The following BACE1 variants were observed in gnomAD, a reference collection of about 807,000 sequenced individuals.
BACE1 encodes beta-secretase 1, also known as APP beta-secretase.
Under a neutral mutation model 54.0 loss-of-function variants are expected in BACE1, and 21 were observed. That is an observed-to-expected ratio of 0.39 (90% CI 0.28 to 0.56). The LOEUF is 0.56. Among genes scored for constraint, BACE1 ranks in the 20% least tolerant of loss-of-function variants. The pLI, the probability that BACE1 is intolerant of heterozygous loss-of-function variation, is 0.63. For synonymous variants in BACE1, 232 were observed against 260.9 expected (o/e 0.89, Z 1.07); for missense variants, 511 against 661.2 (o/e 0.77, Z 2.49).
At position 117,289,475 on chromosome 11, in the gene BACE1, C is replaced by T; in HGVS notation, c.*91G>A. ...GGGGAGGGTCCTGAGGTGCTCTGGC[C>T]ACAGGTGCCATCTGTGTCTCCTACT... On this transcript the variant is annotated 3_prime_UTR_variant, in exon 9 of 9. Coordinates refer to ENST00000313005, the MANE Select transcript of BACE1 (RefSeq NM_012104.6). 5.2e-6 allele frequency: 8 copies of T among 1,524,232 alleles called. No individual in the cohort carries two copies. The highest frequency in any genetic ancestry group is 7.1e-6 in the Non-Finnish European group (8 of 1,134,044). The allele number at this position is 1,524,232 out of a possible 1,614,324, so 94.4% of individuals were successfully genotyped here.
rs959571116 is a variant in BACE1, at chr11:117,288,631, G to C, written c.*935C>G. 3 of 152,590 alleles carry C rather than the reference G, an allele frequency of 2.0e-5. No homozygotes were observed. Among genetic ancestry groups the C allele is most frequent in the African/African-American group, 7.2e-5 (3 of 41,434 alleles). 9.5% of individuals were successfully genotyped at this position (152,590 alleles called of 1,614,324 possible). On this transcript the variant is annotated 3_prime_UTR_variant, in exon 9 of 9. Transcript: ENST00000313005. ...TCCCACAGGGCACCTGGAGCTTAGGGGGTTAGGATATTTCAGTGCTGCCTA... is the reference window on the plus strand; with the variant it reads ...TCCCACAGGGCACCTGGAGCTTAGGCGGTTAGGATATTTCAGTGCTGCCTA...
rs2034306963 is a variant in BACE1, at chr11:117,288,008, T to G, written c.*1558A>C. On this transcript the variant is annotated 3_prime_UTR_variant, in exon 9 of 9. Coordinates refer to ENST00000313005, the MANE Select transcript of BACE1 (RefSeq NM_012104.6). ...ACTAGGAAAACCCAGCTCTTCCCAC[T>G]AACACTGGTACCGTAGTTTACTATG... 6.6e-6 allele frequency: 1 copy of G among 152,638 alleles called. No homozygotes were observed. The highest frequency in any genetic ancestry group is 1.5e-5 in the Non-Finnish European group (1 of 68,056). 9.5% of individuals were successfully genotyped at this position (152,638 alleles called of 1,614,324 possible).
rs1230040778 is a variant in BACE1 at position 117,293,877 on chromosome 11, C to T, written c.699G>A (p.Gly233=). Residue 233 remains glycine, a synonymous_variant, in exon 4 of 9, where the codon GGG becomes GGA. Coordinates refer to ENST00000313005, the MANE Select transcript of BACE1 (RefSeq NM_012104.6). This position sits in a 1 kb window ranked among gnomAD's most constrained non-coding sequence, Gnocchi z 4.1. ...NQSEVLASVG[G]SMIIGGIDHS... ...TCTCTGAGGACCTACTCACCATGCTCCCTCCGACAGAGGCCAGCACTTCAG... is the reference window on the plus strand; with the variant it reads ...TCTCTGAGGACCTACTCACCATGCTTCCTCCGACAGAGGCCAGCACTTCAG... The T allele has an allele frequency of 6.2e-7, 1 of 1,612,796 alleles. No individual in the cohort carries two copies. The highest frequency in any genetic ancestry group is 1.1e-5 in the South Asian group (1 of 90,934).
At chr11:117,298,517 C>T (rs997300184) in intron 1 of BACE1, among the ~76,000 whole-genome samples, 24 of 152,180 alleles carry the variant, frequency 1.6e-4, no homozygotes, top group African/African-American at 5.8e-4. Flanking sequence ...TGGCTTATCC[C>T]CTCCAGCTCA....
intron 2 of BACE1, 176 bp from the exon 3 acceptor site, chr11:117,295,523 C>CT: frequency 1.3e-6 from 2 of 1,535,958 alleles, no homozygotes; most frequent in Non-Finnish European, 1.7e-6. Context: ...GTAAAGTGGG[C>CT]TTGCAGATAG....
chr11:117,295,449 A>G (rs771990760), intron 2 of BACE1, 102 bp from the exon 3 acceptor site: 1 of 1,542,308 alleles, frequency 6.5e-7, no homozygotes, highest in Non-Finnish European at 8.7e-7. Flanking sequence ...TCTCAGGGGA[A>G]TCCTAGAGTC....
intron 8 of BACE1, 138 bp from the exon 9 acceptor site, chr11:117,289,945 A>G: frequency 8.9e-6 from 7 of 786,688 alleles, no homozygotes; most frequent in Non-Finnish European, 1.4e-5. Flanking sequence ...ATTTAGGAGC[A>G]GGCTGGGAAG....
At chr11:117,291,866 T>G (rs2034449608) in intron 5 of BACE1, 53 bp from the exon 6 acceptor site, 5 of 1,415,162 alleles carry the variant, frequency 3.5e-6, no homozygotes, top group Non-Finnish European at 4.0e-6. Flanking sequence ...GATGCTGGGC[T>G]CTGGGCAGTA....
At chr11:117,289,858 TA>T (rs2034367192) in intron 8 of BACE1, 51 bp from the exon 9 acceptor site, 1 of 1,543,060 alleles carries the variant, frequency 6.5e-7, no homozygotes, top group Admixed American at 1.7e-5. Context: ...ATAGAGGAGT[TA>T]ACAAAAAGAA....
Position 117,315,710 on chromosome 11 carries a change from G to T in BACE1, c.86C>A (p.Pro29His). 6.7e-7 allele frequency: 1 copy of T among 1,497,754 alleles called. No individual in the cohort carries two copies. The highest frequency in any genetic ancestry group is 8.9e-7 in the Non-Finnish European group (1 of 1,126,232). The allele number at this position is 1,497,754 out of a possible 1,614,324, so 92.8% of individuals were successfully genotyped here. A position where few individuals can be genotyped will look rare whatever the true frequency, so the allele number is the denominator to read the frequency against. ...AHGTQHGIRL[P>H]LRSGLGGAPL... Reference sequence around the variant, plus strand: ...GGCGCCCCCCAGGCCGCTGCGCAGGGGCAGCCGGATGCCGTGCTGGGTGCC... The same window carrying T: ...GGCGCCCCCCAGGCCGCTGCGCAGGTGCAGCCGGATGCCGTGCTGGGTGCC... Residue 29 changes from proline (P) to histidine (H), a missense_variant, in exon 1 of 9, where the codon CCC becomes CAC. Coordinates refer to ENST00000313005, the MANE Select transcript of BACE1 (RefSeq NM_012104.6). This position sits in a 1 kb window ranked among gnomAD's most constrained non-coding sequence, Gnocchi z 5.5.
intron 1 of BACE1, chr11:117,314,768 C>T (rs28917238): frequency 6.6e-6 from 1 of 152,316 alleles, no homozygotes; most frequent in Non-Finnish European, 1.5e-5. Context: ...GAGGGCATAA[C>T]AGTGTTTTCT....
At chr11:117,308,647 G>T (rs2034882683) in intron 1 of BACE1, among the ~76,000 whole-genome samples, 1 of 151,974 alleles carries the variant, frequency 6.6e-6, no homozygotes, top group Non-Finnish European at 1.5e-5. Context: ...ATAAACTTTG[G>T]TAAACTATAT....
At chr11:117,299,173 T>C (rs1218085702) in intron 1 of BACE1, among the ~76,000 whole-genome samples, 4 of 152,260 alleles carry the variant, frequency 2.6e-5, no homozygotes, top group Non-Finnish European at 5.9e-5. Context: ...ACCAGAGCCA[T>C]TTTTTGAAAG....
rs1445327724 is a variant in BACE1, at chr11:117,315,341, G to A, written c.261+194C>T. Among the ~76,000 whole-genome samples, 1 of 152,146 alleles carries A rather than the reference G, an allele frequency of 6.6e-6. No homozygotes were observed. The highest frequency in any genetic ancestry group is 1.5e-5 in the Non-Finnish European group (1 of 68,024). ...GAGCAAGGGGAACTAGGCAGCCAGG[G>A]GAGACGAGGAGGGAATGGGGAGCTT... is the stretch of plus-strand genomic sequence containing the variant. On this transcript the variant is annotated intron_variant, in intron 1 of 8. Transcript: ENST00000313005. This position sits in a 1 kb window ranked among gnomAD's most constrained non-coding sequence, Gnocchi z 5.5.
chr11:117,311,596 G>T (rs1364787775), intron 1 of BACE1, among the ~76,000 whole-genome samples: 1 of 152,098 alleles, frequency 6.6e-6, no homozygotes, highest in East Asian at 1.9e-4. Flanking sequence ...CACCTGGACT[G>T]TTGTGACAGC....
At chr11:117,304,357 C>G (rs1204872128) in intron 1 of BACE1, among the ~76,000 whole-genome samples, 1 of 152,200 alleles carries the variant, frequency 6.6e-6, no homozygotes, top group Non-Finnish European at 1.5e-5. Context: ...CAGGTAAGAT[C>G]TGTAGAAAAA....
chr11:117,293,366 T>C lies in BACE1; in HGVS notation c.706-178A>G. 3.6e-6 allele frequency: 2 copies of C among 554,004 alleles called. No homozygotes were observed. Among genetic ancestry groups the C allele is most frequent in the Admixed American group, 7.8e-5 (2 of 25,762 alleles). The allele number at this position is 554,004 out of a possible 1,614,324, so 34.3% of individuals were successfully genotyped here. ...AAAGTGATTTCTAGTTTCTTAAATG[T>C]GTTCAGGAGAAAAGACTTTCCGGGA... On this transcript the variant is annotated intron_variant, in intron 4 of 8. Coordinates refer to ENST00000313005, the MANE Select transcript of BACE1 (RefSeq NM_012104.6). This position sits in a 1 kb window ranked among gnomAD's most constrained non-coding sequence, Gnocchi z 4.1.
intron 1 of BACE1, among the ~76,000 whole-genome samples, chr11:117,305,897 G>T (rs951567511): frequency 1.3e-5 from 2 of 152,022 alleles, no homozygotes; most frequent in African/African-American, 4.8e-5. Flanking sequence ...TTAGCCGGGC[G>T]TGATGGCAGG....
Position 117,289,724 on chromosome 11 carries a change from T to C in BACE1, c.1348A>G (p.Thr450Ala). 1.9e-6 allele frequency: 3 copies of C among 1,614,208 alleles called. No homozygotes were observed. The highest frequency in any genetic ancestry group is 2.5e-6 in the Non-Finnish European group (3 of 1,180,038). Residue 450 changes from threonine (T) to alanine (A), a missense_variant, in exon 9 of 9, where the codon ACA becomes GCA. Physicochemically the swap from Thr to Ala is moderately conservative, Grantham distance 58. Transcript: ENST00000313005. ...MEDCGYNIPQTDESTLMTIAY... is the reference protein window; with the variant it reads ...MEDCGYNIPQADESTLMTIAY... ...ATGGTCATGAGGGTTGACTCATCTG[T>C]CTGTGGAATGTTGTAGCCACAGTCT...
Sources: gnomAD v4.1 joint callset for allele counts (sites outside exome capture counted in the v4.1 genomes callset) on GRCh38, gnomAD v4.1.1 for gene constraint, Gnocchi (gnomAD v3.1) non-coding constraint, MANE v1.5 for transcripts, NCBI Gene and HGNC (gene_info 2026-07-23, HGNC 2026-07-21) for gene names.